Variants in HPGDS observed in about 807,000 individuals in gnomAD.
HPGDS encodes hematopoietic prostaglandin D synthase.
Under a neutral mutation model 23.1 loss-of-function variants are expected in HPGDS, and 26 were observed. The observed-to-expected ratio is 1.13, with a 90% CI of 0.83 to 1.56. The LOEUF (loss-of-function observed/expected upper bound fraction) is 1.56. HPGDS is among the 40% of genes most tolerant of loss of function. The pLI is 0.00. For missense variants in HPGDS, 268 were observed against 236.4 expected, an observed-to-expected ratio of 1.13 and a Z score of -0.88; for synonymous variants, 95 against 77.9, an observed-to-expected ratio of 1.22 and a Z score of -1.16.
rs1403225738 is a variant in HPGDS, at chr4:94,322,225, C to CT, written c.134-4261dup. 1.7e-4 allele frequency among the ~76,000 whole-genome samples: 23 copies of CT among 139,102 alleles called. No homozygotes were observed. In the South Asian group the frequency reaches 1.9e-3, roughly 12 times the overall value. 91.3% of individuals were successfully genotyped at this position (139,102 alleles called of 152,430 possible). A position where few individuals can be genotyped will look rare whatever the true frequency, so the allele number is the denominator to read the frequency against. On this transcript the variant is annotated intron_variant, in intron 2 of 5. Transcript: ENST00000295256. The stretch of plus-strand genomic sequence containing the variant: ...ATCAGGGATATTGGTCTAAAATTCT[C>CT]TTTTTTTTGTGTCTCTGCCAGGCTT...
At position 94,317,906 on chromosome 4, in the gene HPGDS, G is replaced by A; in HGVS notation, c.193C>T (p.Leu65=). The A allele has an allele frequency of 1.9e-6, 3 of 1,611,968 alleles. No homozygotes were observed. The highest frequency in any genetic ancestry group is 2.5e-6 in the Non-Finnish European group (3 of 1,178,906). The change falls in exon 3 of 6, where the codon CTA becomes TTA. Residue 65 remains leucine (L), a synonymous_variant. Coordinates refer to ENST00000295256, the MANE Select transcript of HPGDS (RefSeq NM_014485.3). The part of the protein sequence containing the change: ...EVDGLTLHQS[L]AIARYLTKNT... ...TTGGTCAAATATCTTGCTATTGCTA[G>A]GCTCTGGTGAAGAGTAAGTCCATCA...
chr4:94,321,263 T>A (rs1259072901), intron 2 of HPGDS, among the ~76,000 whole-genome samples: 2 of 152,210 alleles, frequency 1.3e-5, no homozygotes, highest in South Asian at 4.1e-4. Flanking sequence ...TTTGGTTCCA[T>A]ATGAACTTTA....
chr4:94,336,856 C>T (rs1721030866), intron 1 of HPGDS, among the ~76,000 whole-genome samples: 1 of 152,122 alleles, frequency 6.6e-6, no homozygotes, highest in Non-Finnish European at 1.5e-5. Context: ...GTTATAATTC[C>T]TGGACGTATT....
chr4:94,322,018 C>T (rs528523816), intron 2 of HPGDS, among the ~76,000 whole-genome samples: 52 of 152,078 alleles, frequency 3.4e-4, no homozygotes, highest in Admixed American at 9.2e-4. Flanking sequence ...TCTATTGAGA[C>T]GATCATGTGG....
intron 3 of HPGDS, among the ~76,000 whole-genome samples, chr4:94,315,282 T>C (rs1164846890): frequency 1.3e-5 from 2 of 152,208 alleles, no homozygotes; most frequent in Non-Finnish European, 2.9e-5. Context: ...ATCTTGGAAC[T>C]GCCTCTCCCA....
chr4:94,335,347 C>T lies in HPGDS; in HGVS notation c.-9-709G>A, dbSNP rs551517609. 5.3e-5 allele frequency among the ~76,000 whole-genome samples: 8 copies of T among 152,322 alleles called. No homozygotes were observed. In the South Asian group the frequency reaches 6.2e-4, roughly 12 times the overall value. ...AGCCAAGTACTCTTACATTTCAAAA[C>T]GTTTGCTAATACCGACGAATTCAGT... is the stretch of plus-strand genomic sequence containing the variant. On this transcript the variant is annotated intron_variant, in intron 1 of 5. Transcript: ENST00000295256.
At chr4:94,308,031 G>C (rs1360892056) in intron 4 of HPGDS, among the ~76,000 whole-genome samples, 1 of 152,066 alleles carries the variant, frequency 6.6e-6, no homozygotes, top group African/African-American at 2.4e-5. Context: ...TTGAATTCCA[G>C]ACTTTTTCAG....
At chr4:94,315,422 A>G (rs1051390995) in intron 3 of HPGDS, among the ~76,000 whole-genome samples, 1 of 152,192 alleles carries the variant, frequency 6.6e-6, no homozygotes, top group African/African-American at 2.4e-5. Flanking sequence ...TTATTTTTGC[A>G]GACAGTTTTT....
chr4:94,303,828 T>C (rs1756090817), intron 4 of HPGDS: 1 of 152,158 alleles, frequency 6.6e-6, no homozygotes, highest in Non-Finnish European at 1.5e-5. Context: ...CCAATGTTTG[T>C]GTATATGCAG....
chr4:94,337,300 T>G (rs973994195), intron 1 of HPGDS, among the ~76,000 whole-genome samples: 11 of 152,114 alleles, frequency 7.2e-5, no homozygotes, highest in Non-Finnish European at 5.9e-5. Context: ...GCATTCTATA[T>G]AAAACTTTTT....
At chr4:94,310,243 G>C (rs894578760) in intron 3 of HPGDS, among the ~76,000 whole-genome samples, 20 of 152,128 alleles carry the variant, frequency 1.3e-4, no homozygotes, top group African/African-American at 4.1e-4. Context: ...AGGTTTTCTT[G>C]TAGGGTTTTT....
At position 94,342,614 on chromosome 4, in the gene HPGDS, T is replaced by A. The variant is rs187744900; in HGVS notation, c.-10+181A>T. On this transcript the variant is annotated intron_variant, in intron 1 of 5. Transcript: ENST00000295256. Reference sequence around the variant, plus strand: ...ATTTCCTTAAAAATGACTATTTGAGTTTCACATATTCGCATATATGGAGAG... The same window carrying A: ...ATTTCCTTAAAAATGACTATTTGAGATTCACATATTCGCATATATGGAGAG... Among the ~76,000 whole-genome samples the A allele has an allele frequency of 4.6e-5, 7 of 152,346 alleles. No individual in the cohort carries two copies. In the East Asian group the frequency reaches 1.3e-3, roughly 29 times the overall value.
At chr4:94,324,231 A>G (rs1756581030) in intron 2 of HPGDS, among the ~76,000 whole-genome samples, 1 of 152,086 alleles carries the variant, frequency 6.6e-6, no homozygotes, top group Admixed American at 6.6e-5. Context: ...TCTGACGATT[A>G]CATGTCTTGG....
At chr4:94,313,995 C>T (rs1362210289) in intron 3 of HPGDS, among the ~76,000 whole-genome samples, 4 of 152,162 alleles carry the variant, frequency 2.6e-5, no homozygotes, top group African/African-American at 4.8e-5. Flanking sequence ...CCATCAGGTC[C>T]TTTAAGGACT....
At chr4:94,303,848 A>G (rs1019702838) in intron 4 of HPGDS, 2 of 152,124 alleles carry the variant, frequency 1.3e-5, no homozygotes, top group Non-Finnish European at 2.9e-5. Flanking sequence ...GAGTCAAATA[A>G]AACTCTTATA....
Position 94,325,515 on chromosome 4 carries a change from G to A in HPGDS, c.134-7550C>T, listed in dbSNP as rs570074319. Among the ~76,000 whole-genome samples the A allele has an allele frequency of 2.0e-5, 3 of 152,288 alleles. No homozygotes were observed. In the East Asian group the frequency reaches 5.8e-4, roughly 30 times the overall value. On this transcript the variant is annotated intron_variant, in intron 2 of 5. Coordinates refer to ENST00000295256, the MANE Select transcript of HPGDS (RefSeq NM_014485.3). ...CAGACACCCCTCCCCCAGCTAGGCT[G>A]CCGCCTTGCAGTTCGATCTCAAACT... is the stretch of plus-strand genomic sequence containing the variant.
intron 3 of HPGDS, among the ~76,000 whole-genome samples, chr4:94,314,435 C>T (rs10050078): frequency 0.15 from 22,566 of 152,104 alleles, 1,913 homozygotes; most frequent in Non-Finnish European, 0.19. Context: ...GTATCAGCAG[C>T]GGAGGCTGCA....
intron 2 of HPGDS, among the ~76,000 whole-genome samples, chr4:94,326,452 C>G (rs191178931): frequency 6.6e-6 from 1 of 152,020 alleles, no homozygotes; most frequent in African/African-American, 2.4e-5. Flanking sequence ...TTTCAAAAGA[C>G]CTGTCTTCAA....
chr4:94,311,996 AT>A (rs747347184), intron 3 of HPGDS, among the ~76,000 whole-genome samples: 1 of 151,938 alleles, frequency 6.6e-6, no homozygotes, highest in East Asian at 1.9e-4. Flanking sequence ...CCCCTTTATC[AT>A]TTTTTATTGC....
Sources: gnomAD v4.1 joint callset for allele counts (sites outside exome capture counted in the v4.1 genomes callset) on GRCh38, gnomAD v4.1.1 for gene constraint, MANE v1.5 for transcripts, NCBI Gene and HGNC (gene_info 2026-07-23, HGNC 2026-07-21) for gene names.